ANAPC5: variants seen among roughly 807,000 people sequenced by gnomAD.
ANAPC5 encodes anaphase promoting complex subunit 5, also known as anaphase-promoting complex subunit 5.
In ANAPC5, 60 loss-of-function variants were observed where a neutral mutation model predicts 91.3. The observed-to-expected ratio is 0.66, with a 90% CI of 0.53 to 0.81. ANAPC5 has a LOEUF of 0.81. ANAPC5 is among the 40% of genes least tolerant of loss of function. The pLI, the probability that ANAPC5 is intolerant of heterozygous loss-of-function variation, is 0.00. For synonymous variants in ANAPC5, 340 were observed against 364.1 expected, an observed-to-expected ratio of 0.93 and a Z score of 0.75; for missense variants, 690 against 931.5, an observed-to-expected ratio of 0.74 and a Z score of 3.37.
rs1902464213 is a variant in ANAPC5 at position 121,318,576 on chromosome 12, AT to A, written c.1669del (p.Met557CysfsTer18). 6.2e-7 allele frequency: 1 copy of A among 1,614,050 alleles called. No homozygotes were observed. Among genetic ancestry groups the A allele is most frequent in the South Asian group, 1.1e-5 (1 of 91,076 alleles). On this transcript the variant is annotated frameshift_variant, in exon 14 of 17. Coordinates refer to ENST00000261819, the MANE Select transcript of ANAPC5 (RefSeq NM_016237.5). LOFTEE classifies it high-confidence loss of function. Reference protein sequence around the residue: ...KAVVLQAQNQMSEAHKLLQKL... With the variant: ...KAVVLQAQNQXSEAHKLLQKL... The stretch of plus-strand genomic sequence containing the variant: ...TTGTAAAAGCTTATGTGCCTCTGAC[AT>A]TTGGTTCTGAGCTTGTAATACAACC...
intron 8 of ANAPC5, 35 bp from the exon 9 acceptor site, chr12:121,330,707 G>A (rs1197752307): frequency 1.1e-5 from 17 of 1,548,076 alleles, no homozygotes; most frequent in Non-Finnish European, 1.4e-5. Context: ...TATCATAACA[G>A]TGGCAATGGC....
chr12:121,352,079 G>T, intron 1 of ANAPC5, 55 bp downstream of exon 1: 1 of 1,525,278 alleles, frequency 6.6e-7, no homozygotes, highest in East Asian at 2.3e-5. Flanking sequence ...TCCGCACAGA[G>T]CAGATGCTCA....
At position 121,319,927 on chromosome 12, in the gene ANAPC5, C is replaced by G. The variant is rs535637271; in HGVS notation, c.1516-109G>C. 2.7e-6 allele frequency: 3 copies of G among 1,114,864 alleles called. No individual in the cohort carries two copies. In the East Asian group the frequency reaches 7.9e-5, roughly 29 times the overall value. The allele number at this position is 1,114,864 out of a possible 1,614,324, so 69.1% of individuals were successfully genotyped here. On this transcript the variant is annotated intron_variant, in intron 12 of 16. Transcript: ENST00000261819. ...GCAAATATCCTTACAATAATTCACA[C>G]ATATTCTTTTTTGGGGGGATTTAAA...
chr12:121,335,474 G>C, intron 7 of ANAPC5, 59 bp downstream of exon 7: 1 of 1,520,140 alleles, frequency 6.6e-7, no homozygotes, highest in East Asian at 2.3e-5. Context: ...CCAAACAGCA[G>C]ACTTTTTATT....
rs774549775 is a variant in ANAPC5 at position 121,309,709 on chromosome 12, T to C, written c.2048A>G (p.Lys683Arg). 2.5e-5 allele frequency: 41 copies of C among 1,613,732 alleles called. No homozygotes were observed. The Admixed American group carries it at 3.5e-4, about 14-fold the overall frequency. ...TTCGTACAGCTTCCTACCTTCTGCT[T>C]TCTTCGGCTGATCGTAGGAAGCTGC... ...ASAASYDQPK[K>R]AEALEAAIEN... The change falls in exon 16 of 17, where the codon AAA (lysine) becomes AGA (arginine). Residue 683 changes from lysine to arginine, a missense_variant. Transcript: ENST00000261819.
chr12:121,323,949 G>C (rs1566184612), intron 11 of ANAPC5, among the ~76,000 whole-genome samples: 1 of 152,022 alleles, frequency 6.6e-6, no homozygotes, highest in East Asian at 1.9e-4. Flanking sequence ...AGATGAGCTA[G>C]AATTACATGG....
chr12:121,344,110 A>G (rs1555274368), intron 4 of ANAPC5, among the ~76,000 whole-genome samples: 2 of 152,178 alleles, frequency 1.3e-5, no homozygotes. Flanking sequence ...ATTCAGGTAC[A>G]GAACACATTC....
intron 2 of ANAPC5, chr12:121,347,551 A>G: frequency 2.3e-6 from 1 of 438,990 alleles, no homozygotes; most frequent in South Asian, 3.1e-5. Flanking sequence ...AGATCACCTG[A>G]GCTCAGGAAG....
chr12:121,329,614 T>C (rs1231772700), intron 9 of ANAPC5, among the ~76,000 whole-genome samples: 1 of 150,638 alleles, frequency 6.6e-6, no homozygotes, highest in African/African-American at 2.4e-5. Flanking sequence ...AAGCTTGTGC[T>C]TCCTTTTTTT....
chr12:121,327,546 C>T (rs1555272422), intron 10 of ANAPC5: 1 of 306,132 alleles, frequency 3.3e-6, no homozygotes, highest in Non-Finnish European at 5.8e-6. Flanking sequence ...CGGGTGAATT[C>T]AGACCCGATG....
chr12:121,338,842 T>C (rs1903341412), intron 5 of ANAPC5, among the ~76,000 whole-genome samples: 1 of 151,984 alleles, frequency 6.6e-6, no homozygotes, highest in Non-Finnish European at 1.5e-5. Context: ...ATTTACAATA[T>C]ACCCTGTATT....
intron 16 of ANAPC5, among the ~76,000 whole-genome samples, 184 bp from the exon 17 acceptor site, chr12:121,308,875 G>A (rs1029309261): frequency 5.9e-5 from 9 of 152,168 alleles, no homozygotes; most frequent in African/African-American, 2.4e-5. Flanking sequence ...AAGACTGGGC[G>A]AAGTGGCTCA....
At chr12:121,311,531 T>C (rs1334302838) in intron 15 of ANAPC5, among the ~76,000 whole-genome samples, 2 of 151,816 alleles carry the variant, frequency 1.3e-5, no homozygotes, top group Non-Finnish European at 2.9e-5. Flanking sequence ...AAGGGAGAAA[T>C]AGACAATTCA....
intron 1 of ANAPC5, among the ~76,000 whole-genome samples, chr12:121,350,893 A>G (rs1197140197): frequency 6.6e-6 from 1 of 152,096 alleles, no homozygotes; most frequent in African/African-American, 2.4e-5. Flanking sequence ...AAAAACCACA[A>G]CTGATATAGG....
At chr12:121,331,290 T>C in intron 8 of ANAPC5, 57 bp downstream of exon 8, 2 of 1,472,246 alleles carry the variant, frequency 1.4e-6, no homozygotes, top group Non-Finnish European at 1.9e-6. Context: ...CAACGGGGCC[T>C]TGTGAAGGCC....
intron 5 of ANAPC5, among the ~76,000 whole-genome samples, chr12:121,337,793 CT>C (rs1397864451): frequency 9.2e-5 from 14 of 152,160 alleles, no homozygotes; most frequent in South Asian, 4.2e-4. Context: ...CTTACCCCCC[CT>C]GTGGCACTAT....
chr12:121,337,161 T>C lies in ANAPC5; in HGVS notation c.759+130A>G, dbSNP rs1903267795. The C allele has an allele frequency of 1.4e-5, 9 of 648,390 alleles. No homozygotes were observed. The Admixed American group carries it at 2.2e-4, about 16-fold the overall frequency. 40.2% of individuals were successfully genotyped at this position (648,390 alleles called of 1,614,324 possible). A position where few individuals can be genotyped will look rare whatever the true frequency, so the allele number is the denominator to read the frequency against. On this transcript the variant is annotated intron_variant, in intron 6 of 16. Coordinates refer to ENST00000261819, the MANE Select transcript of ANAPC5 (RefSeq NM_016237.5). ...TGAACCAGGGAGTCGGAGGTTGCAGTGAGCCAAGGTCGTGCCACTGCACTC... is the reference window on the plus strand; with the variant it reads ...TGAACCAGGGAGTCGGAGGTTGCAGCGAGCCAAGGTCGTGCCACTGCACTC...
intron 15 of ANAPC5, among the ~76,000 whole-genome samples, chr12:121,317,343 T>A (rs1490997184): frequency 6.6e-6 from 1 of 150,572 alleles, no homozygotes; most frequent in Non-Finnish European, 1.5e-5. Flanking sequence ...AACCTCCGCC[T>A]CCCAGGGTCA....
chr12:121,325,361 G>A lies in ANAPC5; in HGVS notation c.1440+1735C>T, dbSNP rs1407148514. On this transcript the variant is annotated intron_variant, in intron 11 of 16. Transcript: ENST00000261819. ...ACCTGTAATCCCAGCTACCTGGGAG[G>A]CTGAGGTAGGAGAATCGCTTGAACC... is the stretch of plus-strand genomic sequence containing the variant. Among the ~76,000 whole-genome samples the A allele has an allele frequency of 2.6e-5, 4 of 152,170 alleles. No individual in the cohort carries two copies. In the East Asian group the frequency reaches 5.8e-4, roughly 22 times the overall value.
Sources: allele counts gnomAD v4.1 joint callset (sites outside exome capture counted in the v4.1 genomes callset), GRCh38; gene constraint gnomAD v4.1.1; transcripts MANE v1.5; gene names NCBI Gene and HGNC (gene_info 2026-07-23, HGNC 2026-07-21).